The following PCDH9 variants were observed in gnomAD, a reference collection of about 807,000 sequenced individuals.
PCDH9 encodes the protein protocadherin-9.
PCDH9 carries 24 observed loss-of-function variants against 70.6 expected under a neutral mutation model. The ratio of observed to expected loss-of-function variants is 0.34; its 90% CI spans 0.25 to 0.48. PCDH9 has a LOEUF of 0.48. PCDH9 is among the 20% of genes least tolerant of loss of function. The pLI, the probability that PCDH9 is intolerant of heterozygous loss-of-function variation, is 0.99. For synonymous variants in PCDH9, 562 were observed against 558.5 expected (o/e 1.01, Z -0.09); for missense variants, 1,281 against 1,503.6 (o/e 0.85, Z 2.45).
At chr13:66,458,917 T>C (rs1355350949) in intron 4 of PCDH9, among the ~76,000 whole-genome samples, 2 of 152,026 alleles carry the variant, frequency 1.3e-5, no homozygotes, top group Non-Finnish European at 2.9e-5. Context: ...GTAATGTTTA[T>C]GCAGTGGAAA....
intron 4 of PCDH9, among the ~76,000 whole-genome samples, chr13:66,374,015 T>A (rs547591599): frequency 1.3e-5 from 2 of 152,084 alleles, no homozygotes; most frequent in Non-Finnish European, 2.9e-5. Context: ...ACCTCCTTGA[T>A]GGGTTTTGTG....
chr13:66,377,917 T>C (rs1956778237), intron 4 of PCDH9, among the ~76,000 whole-genome samples: 1 of 152,202 alleles, frequency 6.6e-6, no homozygotes, highest in Admixed American at 6.5e-5. Context: ...TCTGTATTTT[T>C]AGGTGTAGTC....
chr13:67,152,355 G>C (rs906943242), intron 2 of PCDH9, among the ~76,000 whole-genome samples: 1 of 152,170 alleles, frequency 6.6e-6, no homozygotes, highest in Non-Finnish European at 1.5e-5. Context: ...ACAGCTCAGA[G>C]TAAAAAGCAT....
intron 4 of PCDH9, among the ~76,000 whole-genome samples, chr13:66,626,213 A>T (rs778257152): frequency 4.6e-5 from 7 of 152,106 alleles, no homozygotes; most frequent in African/African-American, 7.2e-5. Context: ...GTGAGAGGGG[A>T]GGGAATATAA....
intron 4 of PCDH9, among the ~76,000 whole-genome samples, chr13:66,447,966 C>T (rs561292359): frequency 6.6e-6 from 1 of 152,224 alleles, no homozygotes; most frequent in Admixed American, 6.5e-5. Flanking sequence ...CTACCTCTTT[C>T]TCATTGTGTG....
chr13:66,597,628 TA>T (rs2077119450), intron 4 of PCDH9, among the ~76,000 whole-genome samples: 1 of 151,730 alleles, frequency 6.6e-6, no homozygotes, highest in Admixed American at 6.6e-5. Flanking sequence ...ATAAAACTCC[TA>T]GATGAAAACA....
intron 4 of PCDH9, among the ~76,000 whole-genome samples, chr13:66,485,919 G>C (rs1158407348): frequency 6.6e-6 from 1 of 151,678 alleles, no homozygotes; most frequent in Non-Finnish European, 1.5e-5. Flanking sequence ...CTAGAGATGG[G>C]GTTTCACCAT....
intron 3 of PCDH9, among the ~76,000 whole-genome samples, chr13:66,671,153 T>A (rs2078169914): frequency 6.6e-6 from 1 of 152,188 alleles, no homozygotes; most frequent in African/African-American, 2.4e-5. Context: ...CCATATAAAA[T>A]GTGACCTTGC....
chr13:67,067,525 C>A (rs1469666187), intron 2 of PCDH9, among the ~76,000 whole-genome samples: 2 of 151,976 alleles, frequency 1.3e-5, no homozygotes, highest in African/African-American at 4.8e-5. Flanking sequence ...TCGGATAGCA[C>A]ATACTTCATT....
intron 3 of PCDH9, among the ~76,000 whole-genome samples, chr13:66,756,391 T>C (rs1423932631): frequency 1.3e-5 from 2 of 152,176 alleles, no homozygotes; most frequent in Non-Finnish European, 2.9e-5. Context: ...AAAATGTAAA[T>C]AGTTTAAAGA....
At chr13:66,737,744 T>C (rs1035065476) in intron 3 of PCDH9, among the ~76,000 whole-genome samples, 1 of 152,132 alleles carries the variant, frequency 6.6e-6, no homozygotes, top group African/African-American at 2.4e-5. Flanking sequence ...CGGACGCACC[T>C]GGAAAATCGG....
intron 2 of PCDH9, among the ~76,000 whole-genome samples, chr13:67,000,226 G>A (rs892642603): frequency 2.0e-5 from 3 of 151,004 alleles, no homozygotes; most frequent in Non-Finnish European, 2.9e-5. Flanking sequence ...GTAAACTATC[G>A]CAGGGACAAA....
chr13:66,701,519 G>A (rs1312723785), intron 3 of PCDH9, among the ~76,000 whole-genome samples: 1 of 152,000 alleles, frequency 6.6e-6, no homozygotes, highest in East Asian at 1.9e-4. Context: ...TAATTCAGAA[G>A]AAGTTAAAGA....
At chr13:66,438,676 A>G (rs1175630870) in intron 4 of PCDH9, among the ~76,000 whole-genome samples, 1 of 152,224 alleles carries the variant, frequency 6.6e-6, no homozygotes, top group Non-Finnish European at 1.5e-5. Context: ...ACAAGCCCAC[A>G]TAACACTCCT....
chr13:66,518,661 C>T (rs553357290), intron 4 of PCDH9, among the ~76,000 whole-genome samples: 2 of 151,968 alleles, frequency 1.3e-5, no homozygotes, highest in South Asian at 2.1e-4. Flanking sequence ...AGAAAACGCC[C>T]GAGGTTTAGA....
rs71110608 is a variant in PCDH9 at position 66,827,360 on chromosome 13, C to CAAA, written c.3138+76141_3138+76143dup. Reference sequence around the variant, plus strand: ...AGGATATTAATGCAGAGGAAAATGGCAAAAAAAAAAAAAAGAAAAAAAAGA... The same window carrying CAAA: ...AGGATATTAATGCAGAGGAAAATGGCAAAAAAAAAAAAAAAAAGAAAAAAAAGA... On this transcript the variant is annotated intron_variant, in intron 3 of 4. Transcript: ENST00000377865. Among the ~76,000 whole-genome samples, 494 of 120,152 alleles carry CAAA rather than the reference C, an allele frequency of 4.1e-3. 4 individuals carry two copies. The highest frequency in any genetic ancestry group is 0.011 in the East Asian group (45 of 4,182). The allele number at this position is 120,152 out of a possible 152,430, so 78.8% of individuals were successfully genotyped here.
At chr13:66,745,033 C>T (rs2079337277) in intron 3 of PCDH9, among the ~76,000 whole-genome samples, 1 of 152,108 alleles carries the variant, frequency 6.6e-6, no homozygotes, top group South Asian at 2.1e-4. Context: ...CGTAACGTAG[C>T]TATATAAACT....
At chr13:66,569,663 G>C (rs2076704918) in intron 4 of PCDH9, among the ~76,000 whole-genome samples, 1 of 152,090 alleles carries the variant, frequency 6.6e-6, no homozygotes, top group African/African-American at 2.4e-5. Context: ...TTTATTGGTT[G>C]AGGGTGTTTC....
At chr13:66,352,820 G>A (rs1956313544) in intron 4 of PCDH9, among the ~76,000 whole-genome samples, 2 of 152,178 alleles carry the variant, frequency 1.3e-5, no homozygotes, top group Non-Finnish European at 2.9e-5. Context: ...TTTCCAGGAA[G>A]TTGCAGTTCC....
Sources: allele counts gnomAD v4.1 joint callset (sites outside exome capture counted in the v4.1 genomes callset), GRCh38; gene constraint gnomAD v4.1.1; transcripts MANE v1.5; gene names NCBI Gene and HGNC (gene_info 2026-07-23, HGNC 2026-07-21).